SGCD: variants seen among roughly 807,000 people sequenced by gnomAD.
SGCD encodes sarcoglycan delta.
Under a neutral mutation model 36.6 loss-of-function variants are expected in SGCD, and 18 were observed. That is an observed-to-expected ratio of 0.49 (90% confidence interval 0.34 to 0.73). SGCD has a LOEUF of 0.73. Among genes scored for constraint, SGCD ranks in the 30% least tolerant of loss-of-function variants. SGCD has a pLI of 0.01. For missense variants in SGCD, 387 were observed against 346.7 expected (o/e 1.12, Z -0.92); for synonymous variants, 133 against 130.6 (o/e 1.02, Z -0.12).
intron 3 of SGCD, among the ~76,000 whole-genome samples, chr5:156,184,695 C>T (rs987439928): frequency 3.3e-5 from 5 of 152,142 alleles, no homozygotes; most frequent in African/African-American, 1.2e-4. Flanking sequence ...ACCACCACCT[C>T]CTTATTCCCT....
intron 3 of SGCD, 64 bp downstream of exon 3, chr5:156,344,741 T>G (rs1206319654): frequency 8.0e-7 from 1 of 1,253,414 alleles, no homozygotes; most frequent in Non-Finnish European, 1.1e-6. Flanking sequence ...GGCAAGATGA[T>G]GAAGGAATGT....
chr5:156,032,706 C>CAAAAAATAAAAA (rs1759379678), intron 1 of SGCD, among the ~76,000 whole-genome samples: 1 of 15,062 alleles, frequency 6.6e-5, no homozygotes, highest in East Asian at 4.1e-3. Context: ...GACTCCGTCT[C>CAAAAAATAAAAA]AAAAAAAAAA....
intron 6 of SGCD, among the ~76,000 whole-genome samples, chr5:156,638,426 C>T (rs924976886): frequency 1.6e-4 from 25 of 152,180 alleles, no homozygotes; most frequent in Non-Finnish European, 2.9e-4. Context: ...TCACCTCATT[C>T]TTAGGACACA....
intron 3 of SGCD, among the ~76,000 whole-genome samples, chr5:156,487,941 A>T (rs1755765188): frequency 7.7e-6 from 1 of 130,392 alleles, no homozygotes. Flanking sequence ...CATAATCTCA[A>T]TAAGAAATGT....
intron 7 of SGCD, among the ~76,000 whole-genome samples, chr5:156,700,326 A>G (rs764269937): frequency 6.6e-6 from 1 of 152,138 alleles, no homozygotes; most frequent in East Asian, 1.9e-4. Flanking sequence ...CAAACCTTCA[A>G]TATTTTCTTG....
intron 3 of SGCD, among the ~76,000 whole-genome samples, chr5:156,171,216 C>T (rs531938652): frequency 1.3e-4 from 20 of 152,300 alleles, no homozygotes; most frequent in East Asian, 1.2e-3. Context: ...ATTGCGTTGG[C>T]GCCATGCTAA....
chr5:156,606,181 C>T (rs895007708), intron 6 of SGCD, among the ~76,000 whole-genome samples: 1 of 152,178 alleles, frequency 6.6e-6, no homozygotes, highest in African/African-American at 2.4e-5. Flanking sequence ...GGTTTTAGGT[C>T]TAACATTTAA....
intron 3 of SGCD, among the ~76,000 whole-genome samples, chr5:156,209,847 C>G (rs1277733032): frequency 1.3e-5 from 2 of 152,106 alleles, no homozygotes; most frequent in Admixed American, 6.5e-5. Context: ...GACCCACACT[C>G]TACACCAGGT....
chr5:156,550,986 T>G (rs1193253303), intron 4 of SGCD, among the ~76,000 whole-genome samples: 1 of 152,208 alleles, frequency 6.6e-6, no homozygotes, highest in Non-Finnish European at 1.5e-5. Flanking sequence ...TCTTTACCAC[T>G]TGGCTGTCTC....
chr5:155,774,579 T>C, the SGCD span, among the ~76,000 whole-genome samples: 2 of 152,140 alleles, frequency 1.3e-5, no homozygotes, highest in African/African-American at 4.8e-5. Flanking sequence ...GCTTTTTCAG[T>C]GTTGAGTGGC....
chr5:156,373,446 C>T (rs752377153), intron 3 of SGCD, among the ~76,000 whole-genome samples: 3 of 152,126 alleles, frequency 2.0e-5, no homozygotes, highest in Non-Finnish European at 4.4e-5. Context: ...CCAAGGCTAA[C>T]CTATATTTGG....
intron 3 of SGCD, among the ~76,000 whole-genome samples, chr5:156,395,716 G>A (rs946342967): frequency 1.3e-5 from 2 of 152,312 alleles, no homozygotes; most frequent in East Asian, 1.9e-4. Flanking sequence ...GATCATTAGC[G>A]AGGTTACATG....
intron 1 of SGCD, among the ~76,000 whole-genome samples, chr5:156,076,930 C>T (rs1337488392): frequency 6.6e-6 from 1 of 152,146 alleles, no homozygotes; most frequent in Admixed American, 6.5e-5. Context: ...TGTTGTTCAC[C>T]ATGGCCTTAA....
chr5:155,746,275 G>A, the SGCD span, among the ~76,000 whole-genome samples: 1 of 152,092 alleles, frequency 6.6e-6, no homozygotes, highest in African/African-American at 2.4e-5. Flanking sequence ...TAGTCTTCTT[G>A]GAGTAAAGAA....
the SGCD span, among the ~76,000 whole-genome samples, chr5:155,851,999 C>T: frequency 6.6e-6 from 1 of 152,174 alleles, no homozygotes; most frequent in African/African-American, 2.4e-5. Context: ...TGGACAACTT[C>T]AGCTGCTAGC....
intron 3 of SGCD, among the ~76,000 whole-genome samples, chr5:156,177,840 C>T (rs572241217): frequency 6.2e-4 from 94 of 152,000 alleles, no homozygotes; most frequent in Non-Finnish European, 5.0e-4. Flanking sequence ...GTTTAATGGG[C>T]GGCATTGACC....
At chr5:155,904,008 C>G (rs1246209843) in intron 1 of SGCD, among the ~76,000 whole-genome samples, 9 of 152,126 alleles carry the variant, frequency 5.9e-5, no homozygotes, top group Non-Finnish European at 1.5e-5. Flanking sequence ...GAGGAGAGGT[C>G]CGGAGTATTC....
chr5:155,941,320 A>G (rs984553819), intron 1 of SGCD, among the ~76,000 whole-genome samples: 1 of 152,198 alleles, frequency 6.6e-6, no homozygotes, highest in Non-Finnish European at 1.5e-5. Flanking sequence ...TTGAAGATAC[A>G]TTTAAACTAT....
chr5:156,682,591 T>C (rs1289010346), intron 7 of SGCD, among the ~76,000 whole-genome samples: 1 of 152,180 alleles, frequency 6.6e-6, no homozygotes, highest in Admixed American at 6.5e-5. Context: ...GTTAACACAG[T>C]GACCAAGACA....
Sources: gnomAD v4.1 joint callset for allele counts (sites outside exome capture counted in the v4.1 genomes callset) on GRCh38, gnomAD v4.1.1 for gene constraint, MANE v1.5 for transcripts, NCBI Gene and HGNC (gene_info 2026-07-23, HGNC 2026-07-21) for gene names.